Variants in SLC35E3 observed in about 807,000 individuals in gnomAD.
The protein encoded by SLC35E3 is bladder cancer-overexpressed gene 1 protein.
Under a neutral mutation model 30.8 loss-of-function variants are expected in SLC35E3, and 28 were observed. The observed-to-expected ratio is 0.91, with a 90% CI of 0.67 to 1.25. The LOEUF is 1.25. Among genes scored for constraint, SLC35E3 ranks in the 50% most tolerant of loss-of-function variants. The pLI is 0.00. For missense variants in SLC35E3, 365 were observed against 375.4 expected, an observed-to-expected ratio of 0.97 and a Z score of 0.23; for synonymous variants, 146 against 149.2, an observed-to-expected ratio of 0.98 and a Z score of 0.16.
At position 68,767,508 on chromosome 12, in the gene SLC35E3, T is replaced by C. The variant is rs1879467428; in HGVS notation, c.*2618T>C. On this transcript the variant is annotated 3_prime_UTR_variant, in exon 5 of 5. Transcript: ENST00000398004. ...CTTCAGCCTGGGCGACAGACTGGAC[T>C]CTGTCTCGGGAAAAAAAAAAAAAAA... is the stretch of plus-strand genomic sequence containing the variant. 1 of 122,178 alleles carries C rather than the reference T, an allele frequency of 8.2e-6. No homozygotes were observed. The highest frequency in any genetic ancestry group is 2.7e-4 in the South Asian group (1 of 3,768). The allele number at this position is 122,178 out of a possible 1,614,324, so 7.6% of individuals were successfully genotyped here.
rs866836262 is a variant in SLC35E3 at position 68,752,081 on chromosome 12, T to C, written c.563T>C (p.Leu188Pro). ...HELQVNSMQL[L>P]YYQAPMSSAM... ...TTACAAGTGAACTCAATGCAGCTGC[T>C]GTACTACCAGGCTCCGATGTCATCT... The change falls in exon 3 of 5, where the codon CTG becomes CCG. Residue 188 changes from leucine (L) to proline (P), a missense_variant. By Grantham distance (98) the Leu-to-Pro change is moderately conservative. Transcript: ENST00000398004. The C allele has an allele frequency of 6.2e-7, 1 of 1,612,830 alleles. No homozygotes were observed. Among genetic ancestry groups the C allele is most frequent in the African/African-American group, 1.3e-5 (1 of 75,000 alleles).
chr12:68,754,404 C>T (rs957653874), intron 3 of SLC35E3, among the ~76,000 whole-genome samples: 4 of 152,134 alleles, frequency 2.6e-5, no homozygotes, highest in African/African-American at 9.7e-5. Flanking sequence ...GTGCCTCAGC[C>T]TCCCGAGTAG....
At chr12:68,753,211 G>C (rs2136069738) in intron 3 of SLC35E3, among the ~76,000 whole-genome samples, 1 of 152,192 alleles carries the variant, frequency 6.6e-6, no homozygotes, top group South Asian at 2.1e-4. Context: ...GAACCTGGGA[G>C]GTGGAGGTTG....
chr12:68,752,823 C>T (rs942171953), intron 3 of SLC35E3, among the ~76,000 whole-genome samples: 4 of 151,728 alleles, frequency 2.6e-5, no homozygotes, highest in African/African-American at 7.3e-5. Flanking sequence ...GCCAACATGG[C>T]GAAACCCATT....
At chr12:68,756,827 C>T (rs1259005320) in intron 3 of SLC35E3, among the ~76,000 whole-genome samples, 4 of 152,082 alleles carry the variant, frequency 2.6e-5, no homozygotes, top group East Asian at 3.9e-4. Flanking sequence ...CTGGCTAACA[C>T]GGTGAAACCC....
rs1229325376 is a variant in SLC35E3 at position 68,753,809 on chromosome 12, T to TACACACACACAC, written c.672+1634_672+1645dup. On this transcript the variant is annotated intron_variant, in intron 3 of 4. Transcript: ENST00000398004. Reference sequence around the variant, plus strand: ...TTTTTCTCCATGCCGTATATATCCATACACACACACACACACACACACACA... The same window carrying TACACACACACAC: ...TTTTTCTCCATGCCGTATATATCCATACACACACACACACACACACACACACACACACACACA... 6.9e-3 allele frequency among the ~76,000 whole-genome samples: 1,018 copies of TACACACACACAC among 148,574 alleles called. 8 individuals are homozygous for TACACACACACAC. The highest frequency in any genetic ancestry group is 0.013 in the East Asian group (65 of 4,996).
At chr12:68,756,104 C>T (rs535165493) in intron 3 of SLC35E3, among the ~76,000 whole-genome samples, 31 of 152,110 alleles carry the variant, frequency 2.0e-4, no homozygotes, top group Admixed American at 1.7e-3. Context: ...ATATATTTTA[C>T]CATATACACT....
intron 4 of SLC35E3, among the ~76,000 whole-genome samples, chr12:68,762,530 G>A (rs1879262367): frequency 6.6e-6 from 1 of 152,146 alleles, no homozygotes; most frequent in Non-Finnish European, 1.5e-5. Context: ...GGAGTAAAGT[G>A]GGTTGGGGTT....
In SLC35E3 at chr12:68,769,618, C is replaced by T. The variant is rs1879549986; in HGVS notation, c.*4728C>T. On this transcript the variant is annotated 3_prime_UTR_variant, in exon 5 of 5. Coordinates refer to ENST00000398004, the MANE Select transcript of SLC35E3 (RefSeq NM_018656.5). ...AGGTTTCAGTGAGCCAAGATCATGC[C>T]ATTGCACTGCAGCCTGGGCAACAAG... 6.6e-6 allele frequency: 1 copy of T among 152,144 alleles called. No individual in the cohort carries two copies. The highest frequency in any genetic ancestry group is 1.5e-5 in the Non-Finnish European group (1 of 68,052). 9.4% of individuals were successfully genotyped at this position (152,144 alleles called of 1,614,324 possible). A position where few individuals can be genotyped will look rare whatever the true frequency, so the allele number is the denominator to read the frequency against.
At chr12:68,752,456 C>G (rs1878839190) in intron 3 of SLC35E3, among the ~76,000 whole-genome samples, 1 of 152,184 alleles carries the variant, frequency 6.6e-6, no homozygotes, top group Admixed American at 6.5e-5. Flanking sequence ...GGTTACTGTT[C>G]TGACCATGTC....
Position 68,746,739 on chromosome 12 carries a change from G to T in SLC35E3, c.362G>T (p.Cys121Phe). Residue 121 changes from cysteine to phenylalanine, a missense_variant, in exon 1 of 5, where the codon TGC (cysteine) becomes TTC (phenylalanine). By Grantham distance (205) the Cys-to-Phe change is radical. Transcript: ENST00000398004. ...GTGATCATAGCCATCCAGACCTTCT[G>T]CTACCAGAAAACCTTCTCCACCAGA... ...TPVIIAIQTF[C>F]YQKTFSTRIQ... The T allele has an allele frequency of 1.2e-6, 2 of 1,602,442 alleles. No individual in the cohort carries two copies. The highest frequency in any genetic ancestry group is 1.1e-5 in the South Asian group (1 of 90,262).
Position 68,764,857 on chromosome 12 carries a change from A to G in SLC35E3, c.909A>G (p.Glu303=). 2 of 1,614,124 alleles carry G rather than the reference A, an allele frequency of 1.2e-6. No homozygotes were observed. The highest frequency in any genetic ancestry group is 1.7e-6 in the Non-Finnish European group (2 of 1,180,000). Residue 303 remains glutamate, a synonymous_variant, in exon 5 of 5, where the codon GAA becomes GAG. Transcript: ENST00000398004. ...AYTHFKLSEQ[E]GSRSKLAQRP is the part of the protein sequence containing the mutation. ...CCCACTTTAAGCTCAGTGAACAGGA[A>G]GGAAGTAGGAGTAAACTGGCACAAC...
chr12:68,747,806 T>G, intron 1 of SLC35E3, 124 bp from the exon 2 acceptor site: 1 of 548,778 alleles, frequency 1.8e-6, no homozygotes, highest in East Asian at 2.9e-5. Context: ...AGAAAACATT[T>G]ATACAGGTTC....
chr12:68,753,430 G>A (rs1258402423), intron 3 of SLC35E3, among the ~76,000 whole-genome samples: 1 of 151,670 alleles, frequency 6.6e-6, no homozygotes, highest in African/African-American at 2.4e-5. Context: ...TTCAGCCTGG[G>A]CAACAGAGTG....
chr12:68,746,538 C>T lies in SLC35E3; in HGVS notation c.161C>T (p.Thr54Ile), dbSNP rs371284009. ...MSLTLVHFVV[T>I]WLGLYICQKL... ...CTGACCCTGGTGCACTTCGTGGTCA[C>T]CTGGCTGGGCTTGTATATCTGCCAG... Residue 54 changes from threonine (T) to isoleucine (I), a missense_variant, in exon 1 of 5, where the codon ACC (threonine) becomes ATC (isoleucine). Transcript: ENST00000398004. 1 of 1,614,114 alleles carries T rather than the reference C, an allele frequency of 6.2e-7. No homozygotes were observed. Among genetic ancestry groups the T allele is most frequent in the Non-Finnish European group, 8.5e-7 (1 of 1,180,044 alleles).
rs1270947514 is a variant in SLC35E3 at position 68,767,548 on chromosome 12, A to T, written c.*2658A>T. The T allele has an allele frequency of 6.6e-6, 1 of 151,202 alleles. No individual in the cohort carries two copies. The highest frequency in any genetic ancestry group is 1.5e-5 in the Non-Finnish European group (1 of 67,898). The allele number at this position is 151,202 out of a possible 1,614,324, so 9.4% of individuals were successfully genotyped here. The stretch of plus-strand genomic sequence containing the variant: ...AAAAAAAAAAAAAAAGGGAAGAGCG[A>T]CAAAATATACCTTTTGATAAGACAG... On this transcript the variant is annotated 3_prime_UTR_variant, in exon 5 of 5. Coordinates refer to ENST00000398004, the MANE Select transcript of SLC35E3 (RefSeq NM_018656.5).
At position 68,764,972 on chromosome 12, in the gene SLC35E3, T is replaced by C; in HGVS notation, c.*82T>C. Reference sequence around the variant, plus strand: ...TGTGCAAGTTATTAAAAAAAAAAAATTGGGCCAGGCACGGTGGCTCACGCC... The same window carrying C: ...TGTGCAAGTTATTAAAAAAAAAAAACTGGGCCAGGCACGGTGGCTCACGCC... On this transcript the variant is annotated 3_prime_UTR_variant, in exon 5 of 5. Transcript: ENST00000398004. 1 of 1,234,712 alleles carries C rather than the reference T, an allele frequency of 8.1e-7. No homozygotes were observed. The highest frequency in any genetic ancestry group is 1.5e-5 in the South Asian group (1 of 67,302). The allele number at this position is 1,234,712 out of a possible 1,614,324, so 76.5% of individuals were successfully genotyped here.
At position 68,776,961 on chromosome 12, in the gene SLC35E3, C is replaced by A. The variant is rs533836002; in HGVS notation, c.*12071C>A. 1.3e-5 allele frequency: 2 copies of A among 152,158 alleles called. No individual in the cohort carries two copies. The highest frequency in any genetic ancestry group is 4.8e-5 in the African/African-American group (2 of 41,422). 9.4% of individuals were successfully genotyped at this position (152,158 alleles called of 1,614,324 possible). ...ATCCTCAGTTACCCAATATACCCCT[C>A]GCCCCAGCCCCATCCCTAGTCACCC... On this transcript the variant is annotated 3_prime_UTR_variant, in exon 5 of 5. Coordinates refer to ENST00000398004, the MANE Select transcript of SLC35E3 (RefSeq NM_018656.5).
chr12:68,750,170 T>A (rs534985341), intron 2 of SLC35E3, among the ~76,000 whole-genome samples: 1 of 152,048 alleles, frequency 6.6e-6, no homozygotes, highest in Non-Finnish European at 1.5e-5. Flanking sequence ...AAGGCTCTGA[T>A]CCCTGAGGGA....
Sources: gnomAD v4.1 joint callset for allele counts (sites outside exome capture counted in the v4.1 genomes callset) on GRCh38, gnomAD v4.1.1 for gene constraint, MANE v1.5 for transcripts, NCBI Gene and HGNC (gene_info 2026-07-23, HGNC 2026-07-21) for gene names.